The following PID1 variants were observed in gnomAD, a reference collection of about 807,000 sequenced individuals.
PID1 encodes the protein PTB-containing, cubilin and LRP1-interacting protein.
In PID1, 10 loss-of-function variants were observed where a neutral mutation model predicts 19.1. The ratio of observed to expected loss-of-function variants is 0.52; its 90% CI spans 0.32 to 0.89. The LOEUF is 0.89. PID1 is among the 40% of genes least tolerant of loss of function. The pLI is 0.03. For synonymous variants in PID1, 130 were observed against 116.0 expected, an observed-to-expected ratio of 1.12 and a Z score of -0.78; for missense variants, 248 against 285.3, an observed-to-expected ratio of 0.87 and a Z score of 0.94.
At chr2:229,072,658 G>T (rs1694480540) in intron 2 of PID1, among the ~76,000 whole-genome samples, 2 of 152,034 alleles carry the variant, frequency 1.3e-5, no homozygotes, top group Non-Finnish European at 2.9e-5. Flanking sequence ...TTCAGTGATG[G>T]TTTTAGCTGT....
At chr2:229,067,470 G>C (rs1694353397) in intron 2 of PID1, among the ~76,000 whole-genome samples, 1 of 152,076 alleles carries the variant, frequency 6.6e-6, no homozygotes, top group Admixed American at 6.5e-5. Flanking sequence ...TCCTTCTTTT[G>C]TGAAATTGAG....
intron 2 of PID1, among the ~76,000 whole-genome samples, chr2:229,066,106 A>G (rs1043664029): frequency 2.6e-5 from 4 of 152,212 alleles, no homozygotes; most frequent in Non-Finnish European, 5.9e-5. Flanking sequence ...GAAAAAAAGA[A>G]AAACAAAAAA....
chr2:229,160,253 T>G (rs1031133494), intron 1 of PID1, among the ~76,000 whole-genome samples: 1 of 152,168 alleles, frequency 6.6e-6, no homozygotes, highest in East Asian at 1.9e-4. Context: ...GCCGCAACCA[T>G]TGATTCAGTC....
intron 2 of PID1, among the ~76,000 whole-genome samples, chr2:229,118,035 A>G (rs1009441788): frequency 6.6e-6 from 1 of 152,202 alleles, no homozygotes; most frequent in Non-Finnish European, 1.5e-5. Flanking sequence ...AGGCTGGGAT[A>G]CTTAGGATTT....
chr2:229,180,648 A>G (rs922581878), intron 1 of PID1, among the ~76,000 whole-genome samples: 2 of 152,104 alleles, frequency 1.3e-5, no homozygotes, highest in African/African-American at 4.8e-5. Context: ...TGCCCCTCCA[A>G]TTCCATCACA....
Position 229,025,735 on chromosome 2 carries a change from T to G in PID1, c.551A>C (p.Glu184Ala), listed in dbSNP as rs372680514. ...EAKKLAHAMM[E>A]AFRKTFHSMK... is the part of the protein sequence containing the mutation. ...ACTGTGGAAAGTCTTCCTGAAGGCC[T>G]CCATCATGGCGTGGGCCAGTTTCTT... The change falls in exon 3 of 3, where the codon GAG becomes GCG. Residue 184 changes from glutamate (E) to alanine (A), a missense_variant. Transcript: ENST00000392055. The G allele has an allele frequency of 6.2e-7, 1 of 1,614,264 alleles. No individual in the cohort carries two copies. The highest frequency in any genetic ancestry group is 1.1e-5 in the South Asian group (1 of 91,088).
At chr2:229,209,693 G>GA (rs1394683750) in intron 1 of PID1, among the ~76,000 whole-genome samples, 4 of 152,136 alleles carry the variant, frequency 2.6e-5, no homozygotes, top group Non-Finnish European at 5.9e-5. Context: ...CTCTGGCTTT[G>GA]AAAAATAGTG....
intron 2 of PID1, among the ~76,000 whole-genome samples, chr2:229,099,857 A>G (rs1026109298): frequency 7.9e-5 from 12 of 152,190 alleles, no homozygotes; most frequent in Non-Finnish European, 1.8e-4. Context: ...TACATTGTAT[A>G]ATTGGAACAT....
chr2:229,264,738 A>T (rs1277523230), intron 1 of PID1, among the ~76,000 whole-genome samples: 2 of 152,250 alleles, frequency 1.3e-5, no homozygotes, highest in Non-Finnish European at 2.9e-5. Flanking sequence ...TGAAAGTTAC[A>T]ATCATACTAG....
At chr2:229,162,128 G>A (rs1208358752) in intron 1 of PID1, among the ~76,000 whole-genome samples, 1 of 152,220 alleles carries the variant, frequency 6.6e-6, no homozygotes, top group Non-Finnish European at 1.5e-5. Flanking sequence ...CTAGGGCACT[G>A]CCCTGGACAA....
At chr2:229,257,281 T>C (rs1378264285) in intron 1 of PID1, among the ~76,000 whole-genome samples, 1 of 152,182 alleles carries the variant, frequency 6.6e-6, no homozygotes, top group Non-Finnish European at 1.5e-5. Flanking sequence ...TAGATAATTA[T>C]GGTGGAGCAT....
At chr2:229,054,933 T>A (rs1431544485) in intron 2 of PID1, among the ~76,000 whole-genome samples, 6 of 152,276 alleles carry the variant, frequency 3.9e-5, no homozygotes, top group Non-Finnish European at 7.4e-5. Context: ...TTCTGAAAGT[T>A]ACTGTCTTTT....
chr2:229,116,050 C>T (rs565460431), intron 2 of PID1, among the ~76,000 whole-genome samples: 75 of 151,970 alleles, frequency 4.9e-4, no homozygotes, highest in Non-Finnish European at 9.1e-4. Flanking sequence ...GGTAAAACCC[C>T]GTCTCTACTA....
In PID1 at chr2:229,025,411, C is replaced by A; in HGVS notation, c.*221G>T. ...CCTAGAACCTTCCTCCCCATCCACACTCCCACCCTCCTCACAGTCACAGCA... is the reference window on the plus strand; with the variant it reads ...CCTAGAACCTTCCTCCCCATCCACAATCCCACCCTCCTCACAGTCACAGCA... On this transcript the variant is annotated 3_prime_UTR_variant, in exon 3 of 3. Coordinates refer to ENST00000392055, the MANE Select transcript of PID1 (RefSeq NM_001100818.2). The A allele has an allele frequency of 1.8e-6, 1 of 565,204 alleles. No homozygotes were observed. Among genetic ancestry groups the A allele is most frequent in the East Asian group, 3.0e-5 (1 of 33,364 alleles). 35.0% of individuals were successfully genotyped at this position (565,204 alleles called of 1,614,324 possible). A position where few individuals can be genotyped will look rare whatever the true frequency, so the allele number is the denominator to read the frequency against.
intron 2 of PID1, among the ~76,000 whole-genome samples, chr2:229,055,031 G>A (rs1235314101): frequency 6.6e-6 from 1 of 152,160 alleles, no homozygotes; most frequent in Non-Finnish European, 1.5e-5. Context: ...AGAGGAGGGA[G>A]AACACCAGAT....
intron 1 of PID1, among the ~76,000 whole-genome samples, chr2:229,192,590 G>A (rs1197663961): frequency 6.6e-6 from 1 of 152,076 alleles, no homozygotes; most frequent in Non-Finnish European, 1.5e-5. Context: ...AAAGACTGAA[G>A]GTTAACAACA....
intron 1 of PID1, among the ~76,000 whole-genome samples, chr2:229,215,622 G>A (rs937260961): frequency 2.0e-5 from 3 of 152,074 alleles, no homozygotes; most frequent in Non-Finnish European, 4.4e-5. Flanking sequence ...ACCACCATGG[G>A]GAGTTCCCAT....
intron 1 of PID1, among the ~76,000 whole-genome samples, chr2:229,200,276 G>C (rs1447819442): frequency 6.6e-6 from 1 of 151,996 alleles, no homozygotes; most frequent in African/African-American, 2.4e-5. Context: ...ACATCGCTTT[G>C]CCTCTCTATT....
chr2:229,237,834 G>C (rs1479470035), intron 1 of PID1, among the ~76,000 whole-genome samples: 1 of 152,098 alleles, frequency 6.6e-6, no homozygotes, highest in Non-Finnish European at 1.5e-5. Flanking sequence ...CCATGGAAAG[G>C]AAGTCTATGG....
Sources: gnomAD v4.1 joint callset for allele counts (sites outside exome capture counted in the v4.1 genomes callset) on GRCh38, gnomAD v4.1.1 for gene constraint, MANE v1.5 for transcripts, NCBI Gene and HGNC (gene_info 2026-07-23, HGNC 2026-07-21) for gene names.